The following ZFAND3 variants were observed in gnomAD, a reference collection of about 807,000 sequenced individuals.
ZFAND3 encodes AN1-type zinc finger protein 3.
In ZFAND3, 10 loss-of-function variants were observed where a neutral mutation model predicts 29.6. The observed-to-expected ratio is 0.34, with a 90% confidence interval of 0.21 to 0.57. ZFAND3 has a LOEUF of 0.57. Among genes scored for constraint, ZFAND3 ranks in the 20% least tolerant of loss-of-function variants. The pLI is 0.86. For missense variants in ZFAND3, 230 were observed against 304.5 expected, an observed-to-expected ratio of 0.76 and a Z score of 1.82; for synonymous variants, 128 against 112.6, an observed-to-expected ratio of 1.14 and a Z score of -0.87.
chr6:38,063,488 A>G (rs749927972), intron 3 of ZFAND3, among the ~76,000 whole-genome samples: 1 of 152,166 alleles, frequency 6.6e-6, no homozygotes, highest in Non-Finnish European at 1.5e-5. Flanking sequence ...AGCTTGACAA[A>G]CCCTGATACA....
intron 1 of ZFAND3, among the ~76,000 whole-genome samples, chr6:37,897,314 GTT>G (rs1765238324): frequency 6.6e-6 from 1 of 152,120 alleles, no homozygotes; most frequent in Admixed American, 6.5e-5. Flanking sequence ...TGTCTGGTGT[GTT>G]TTGCTCAACA....
intron 2 of ZFAND3, among the ~76,000 whole-genome samples, chr6:38,008,048 C>G (rs1165105184): frequency 6.6e-6 from 1 of 152,086 alleles, no homozygotes; most frequent in Non-Finnish European, 1.5e-5. Context: ...AACAAGATCC[C>G]CAGGTGATTC....
intron 2 of ZFAND3, among the ~76,000 whole-genome samples, 163 bp downstream of exon 2, chr6:37,930,162 A>G (rs989599065): frequency 1.3e-5 from 2 of 151,214 alleles, no homozygotes; most frequent in Non-Finnish European, 2.9e-5. Flanking sequence ...AAGGTGCTTC[A>G]TATATTTGCC....
chr6:38,028,632 T>G (rs981859288), intron 2 of ZFAND3, among the ~76,000 whole-genome samples: 2 of 151,944 alleles, frequency 1.3e-5, no homozygotes, highest in South Asian at 4.1e-4. Flanking sequence ...TGACCTAGGG[T>G]ACTATTGTAG....
At chr6:38,063,360 C>A (rs1013752232) in intron 3 of ZFAND3, among the ~76,000 whole-genome samples, 1 of 152,130 alleles carries the variant, frequency 6.6e-6, no homozygotes, top group African/African-American at 2.4e-5. Context: ...TCTCCCACCC[C>A]ACAGCCCCAG....
chr6:38,053,212 G>A (rs73730859), intron 2 of ZFAND3, among the ~76,000 whole-genome samples: 4,461 of 152,148 alleles, frequency 0.029, 172 homozygotes, highest in African/African-American at 0.085. Flanking sequence ...TCTAAGCCAT[G>A]GTTAGGATTC....
At chr6:37,947,065 A>G (rs1399337007) in intron 2 of ZFAND3, among the ~76,000 whole-genome samples, 1 of 152,196 alleles carries the variant, frequency 6.6e-6, no homozygotes, top group African/African-American at 2.4e-5. Flanking sequence ...ATTTTATGTT[A>G]TGTGCACCTA....
chr6:37,882,934 G>A (rs1764922710), intron 1 of ZFAND3, among the ~76,000 whole-genome samples: 1 of 152,158 alleles, frequency 6.6e-6, no homozygotes, highest in Non-Finnish European at 1.5e-5. Flanking sequence ...TTTAAAACAT[G>A]TAGCCTGGGT....
intron 1 of ZFAND3, among the ~76,000 whole-genome samples, chr6:37,857,970 G>A (rs1252540312): frequency 6.6e-6 from 1 of 152,132 alleles, no homozygotes; most frequent in African/African-American, 2.4e-5. Context: ...TTTATTAATT[G>A]TGCATTCACT....
chr6:38,036,553 G>A (rs1309348982), intron 2 of ZFAND3, among the ~76,000 whole-genome samples: 1 of 152,240 alleles, frequency 6.6e-6, no homozygotes, highest in East Asian at 1.9e-4. Flanking sequence ...CCAGATGTTG[G>A]ATTTAGACCA....
In ZFAND3 at chr6:37,996,685, A is replaced by T. The variant is rs187638793; in HGVS notation, c.113-64908A>T. 3.1e-3 allele frequency among the ~76,000 whole-genome samples: 469 copies of T among 152,270 alleles called. 3 individuals carry two copies. The highest frequency in any genetic ancestry group is 0.011 in the African/African-American group (446 of 41,556). ...TGTAAGAGAAAAAATTTAAGGAAAA[A>T]TTTGGTTAATTTAATTATCTAAATC... On this transcript the variant is annotated intron_variant, in intron 2 of 5. Transcript: ENST00000287218.
intron 1 of ZFAND3, among the ~76,000 whole-genome samples, chr6:37,846,492 G>A (rs1764179341): frequency 6.6e-6 from 1 of 152,112 alleles, no homozygotes; most frequent in African/African-American, 2.4e-5. Flanking sequence ...CCTAATAATG[G>A]CAGCTGATAT....
At chr6:37,897,322 C>T (rs1467529791) in intron 1 of ZFAND3, among the ~76,000 whole-genome samples, 1 of 152,188 alleles carries the variant, frequency 6.6e-6, no homozygotes, top group Non-Finnish European at 1.5e-5. Context: ...GTGTTTTGCT[C>T]AACATTATGT....
intron 2 of ZFAND3, among the ~76,000 whole-genome samples, chr6:38,020,110 G>A (rs1030519863): frequency 6.6e-6 from 1 of 152,144 alleles, no homozygotes; most frequent in Admixed American, 6.5e-5. Flanking sequence ...CAGGCACATG[G>A]GCAAATCATA....
chr6:37,997,090 A>G (rs1056983628), intron 2 of ZFAND3, among the ~76,000 whole-genome samples: 4 of 152,202 alleles, frequency 2.6e-5, no homozygotes, highest in Non-Finnish European at 5.9e-5. Flanking sequence ...AGGGAGAAGT[A>G]AATTTGCAGA....
At chr6:38,107,706 A>G (rs1331802846) in intron 4 of ZFAND3, among the ~76,000 whole-genome samples, 1 of 152,056 alleles carries the variant, frequency 6.6e-6, no homozygotes, top group Non-Finnish European at 1.5e-5. Context: ...GGTAGCTCAC[A>G]CCTGTAGTCC....
intron 1 of ZFAND3, among the ~76,000 whole-genome samples, chr6:37,877,268 T>C (rs1026961054): frequency 3.3e-5 from 5 of 152,230 alleles, no homozygotes; most frequent in African/African-American, 1.2e-4. Flanking sequence ...TAGTGCAGCA[T>C]TGTCATTTCT....
At chr6:37,844,366 C>T (rs1764138234) in intron 1 of ZFAND3, among the ~76,000 whole-genome samples, 1 of 152,114 alleles carries the variant, frequency 6.6e-6, no homozygotes, top group South Asian at 2.1e-4. Flanking sequence ...ACTGCAAGCT[C>T]CACCTCCCAG....
chr6:37,952,761 A>G (rs1382200644), intron 2 of ZFAND3, among the ~76,000 whole-genome samples: 1 of 151,972 alleles, frequency 6.6e-6, no homozygotes, highest in Non-Finnish European at 1.5e-5. Context: ...ACTGTGGGTC[A>G]GGAACAAGTC....
Sources: allele counts gnomAD v4.1 joint callset (sites outside exome capture counted in the v4.1 genomes callset), GRCh38; gene constraint gnomAD v4.1.1; transcripts MANE v1.5; gene names NCBI Gene and HGNC (gene_info 2026-07-23, HGNC 2026-07-21).